The following SIDT1 variants were observed in gnomAD, a reference collection of about 807,000 sequenced individuals.
The protein encoded by SIDT1 is SID1 transmembrane family, member 1.
SIDT1 carries 101 observed loss-of-function variants against 107.5 expected under a neutral mutation model. That is an observed-to-expected ratio of 0.94 (90% CI 0.80 to 1.11). SIDT1 has a LOEUF of 1.11. SIDT1 is among the 50% of genes least tolerant of loss of function. The pLI, the probability that SIDT1 is intolerant of heterozygous loss-of-function variation, is 0.00. For synonymous variants in SIDT1, 395 were observed against 398.2 expected (o/e 0.99, Z 0.10); for missense variants, 1,076 against 1,058.2 (o/e 1.02, Z -0.23).
intron 10 of SIDT1, among the ~76,000 whole-genome samples, chr3:113,595,534 G>T (rs936711734): frequency 2.0e-5 from 3 of 151,066 alleles, no homozygotes; most frequent in Admixed American, 2.0e-4. Flanking sequence ...AGCTGAGATC[G>T]CACCACTGCA....
At chr3:113,623,573 G>A (rs1269222733) in intron 22 of SIDT1, 41 bp downstream of exon 22, 2 of 1,598,796 alleles carry the variant, frequency 1.3e-6, no homozygotes, top group South Asian at 1.1e-5. Context: ...GGGCCCTCGG[G>A]CAGGCGAAGG....
chr3:113,617,253 C>T (rs1485321764), intron 20 of SIDT1, among the ~76,000 whole-genome samples: 1 of 152,202 alleles, frequency 6.6e-6, no homozygotes, highest in Non-Finnish European at 1.5e-5. Context: ...TTGATTTTCA[C>T]AATGAGCAAG....
At chr3:113,537,441 T>A (rs1409311142) in intron 1 of SIDT1, among the ~76,000 whole-genome samples, 1 of 152,194 alleles carries the variant, frequency 6.6e-6, no homozygotes, top group African/African-American at 2.4e-5. Context: ...TTACTAATTA[T>A]ATGGAAGAAT....
chr3:113,571,763 G>A (rs764781130), intron 3 of SIDT1, among the ~76,000 whole-genome samples: 2 of 152,140 alleles, frequency 1.3e-5, no homozygotes, highest in Admixed American at 6.5e-5. Context: ...GTGAAACTCC[G>A]TCTCTACTAA....
intron 1 of SIDT1, among the ~76,000 whole-genome samples, chr3:113,545,230 A>T (rs1342214176): frequency 6.7e-6 from 1 of 149,928 alleles, no homozygotes; most frequent in African/African-American, 2.5e-5. Context: ...TCCACTGATT[A>T]TTCTTGCCTG....
intron 3 of SIDT1, among the ~76,000 whole-genome samples, chr3:113,573,755 G>T (rs1942671455): frequency 6.6e-6 from 1 of 152,150 alleles, no homozygotes; most frequent in Non-Finnish European, 1.5e-5. Context: ...CCATCTATGA[G>T]GAAGCAGGCT....
chr3:113,612,114 G>C lies in SIDT1; in HGVS notation c.1886G>C (p.Trp629Ser). The C allele has an allele frequency of 6.2e-7, 1 of 1,613,996 alleles. No individual in the cohort carries two copies. The change falls in exon 19 of 25, where the codon TGG becomes TCG. Residue 629 changes from tryptophan (W) to serine (S), a missense_variant. Coordinates refer to ENST00000264852, the MANE Select transcript of SIDT1 (RefSeq NM_017699.3). ...VVFGKNDVWF[W>S]VIFSAIHVLA... is the part of the protein sequence containing the mutation. ...TTTGGAAAAAATGACGTATGGTTCT[G>C]GGTCATCTTCTCTGCAATCCACGTT...
At chr3:113,572,415 G>A (rs1560055233) in intron 3 of SIDT1, among the ~76,000 whole-genome samples, 1 of 152,202 alleles carries the variant, frequency 6.6e-6, no homozygotes, top group Non-Finnish European at 1.5e-5. Flanking sequence ...TGGAGAAACA[G>A]GCAGTGCCCA....
intron 1 of SIDT1, among the ~76,000 whole-genome samples, chr3:113,561,185 C>T (rs1253359163): frequency 6.6e-6 from 1 of 152,148 alleles, no homozygotes; most frequent in Non-Finnish European, 1.5e-5. Flanking sequence ...AAATGTGATC[C>T]AATTTTCTCA....
intron 1 of SIDT1, among the ~76,000 whole-genome samples, chr3:113,541,706 C>T (rs1478105222): frequency 6.6e-6 from 1 of 152,102 alleles, no homozygotes; most frequent in Non-Finnish European, 1.5e-5. Context: ...AGCCTTTGTA[C>T]TTGAAGGTCT....
At chr3:113,549,063 G>T (rs1214197829) in intron 1 of SIDT1, among the ~76,000 whole-genome samples, 1 of 152,066 alleles carries the variant, frequency 6.6e-6, no homozygotes, top group Non-Finnish European at 1.5e-5. Context: ...AGGTTCCTCC[G>T]TGTCTTTTTA....
At chr3:113,612,338 A>G (rs780719562) in intron 19 of SIDT1, 144 bp downstream of exon 19, 3 of 704,048 alleles carry the variant, frequency 4.3e-6, no homozygotes, top group African/African-American at 3.5e-5. Flanking sequence ...AATAGCACAT[A>G]TTCGCTCCAA....
downstream of SIDT1, among the ~76,000 whole-genome samples, chr3:113,631,982 G>C (rs1282533824): frequency 3.3e-5 from 5 of 152,034 alleles, no homozygotes; most frequent in African/African-American, 9.7e-5. Context: ...CCTTGGCTCT[G>C]TCCTACATCT....
Position 113,612,113 on chromosome 3 carries a change from T to C in SIDT1, c.1885T>C (p.Trp629Arg). 6.2e-7 allele frequency: 1 copy of C among 1,614,156 alleles called. No individual in the cohort carries two copies. Residue 629 changes from tryptophan (W) to arginine (R), a missense_variant, in exon 19 of 25, where the codon TGG becomes CGG. Trp to Arg is a moderately radical substitution (Grantham distance 101). Coordinates refer to ENST00000264852, the MANE Select transcript of SIDT1 (RefSeq NM_017699.3). Reference sequence around the variant, plus strand: ...GTTTGGAAAAAATGACGTATGGTTCTGGGTCATCTTCTCTGCAATCCACGT... The same window carrying C: ...GTTTGGAAAAAATGACGTATGGTTCCGGGTCATCTTCTCTGCAATCCACGT... ...VVFGKNDVWF[W>R]VIFSAIHVLA...
intron 17 of SIDT1, among the ~76,000 whole-genome samples, chr3:113,609,453 C>A (rs927995822): frequency 5.3e-5 from 8 of 152,186 alleles, no homozygotes; most frequent in African/African-American, 1.7e-4. Flanking sequence ...GTGGGACTAT[C>A]TTTAGACCAA....
Position 113,533,005 on chromosome 3 carries a change from C to G in SIDT1, c.-17C>G. ...CCCAGGGTGGCTCCGCTTTCGAGCC[C>G]GGGCGCGGTGCCCACCATGCGCGGC... On this transcript the variant is annotated 5_prime_UTR_variant, in exon 1 of 25. Transcript: ENST00000264852. 7.4e-7 allele frequency: 1 copy of G among 1,345,202 alleles called. No individual in the cohort carries two copies. The allele number at this position is 1,345,202 out of a possible 1,614,324, so 83.3% of individuals were successfully genotyped here.
chr3:113,610,999 G>T lies in SIDT1; in HGVS notation c.1721-9G>T, dbSNP rs763462300. The T allele has an allele frequency of 2.5e-6, 4 of 1,611,634 alleles. No individual in the cohort carries two copies. The highest frequency in any genetic ancestry group is 1.1e-5 in the South Asian group (1 of 90,864). On this transcript the variant is annotated splice_polypyrimidine_tract_variant and intron_variant, in intron 17 of 24. Coordinates refer to ENST00000264852, the MANE Select transcript of SIDT1 (RefSeq NM_017699.3). The stretch of plus-strand genomic sequence containing the variant: ...TCCTGATCATCTGGCTCCTCCTTTG[G>T]GTCCTCAGACACCTCCTTCATGTAC...
At chr3:113,558,457 C>T (rs1226760116) in intron 1 of SIDT1, among the ~76,000 whole-genome samples, 1 of 152,182 alleles carries the variant, frequency 6.6e-6, no homozygotes, top group Non-Finnish European at 1.5e-5. Flanking sequence ...AAGGCACCAA[C>T]TGAAGTTTTT....
intron 10 of SIDT1, 50 bp downstream of exon 10, chr3:113,593,098 A>G (rs1251945622): frequency 6.9e-7 from 1 of 1,441,708 alleles, no homozygotes; most frequent in Non-Finnish European, 9.8e-7. Flanking sequence ...ATAGTGTGGC[A>G]ACATCCCATT....
Sources: gnomAD v4.1 joint callset for allele counts (sites outside exome capture counted in the v4.1 genomes callset) on GRCh38, gnomAD v4.1.1 for gene constraint, MANE v1.5 for transcripts, NCBI Gene and HGNC (gene_info 2026-07-23, HGNC 2026-07-21) for gene names.